SPIRE1: variants seen among roughly 807,000 people sequenced by gnomAD.
SPIRE1 encodes protein spire homolog 1.
A neutral mutation model predicts 94.1 loss-of-function variants in SPIRE1; 40 were observed. That is an observed-to-expected ratio of 0.43 (90% CI 0.33 to 0.55). The LOEUF (loss-of-function observed/expected upper bound fraction) is 0.55, where lower values mean the gene tolerates loss of function less well. Ranked by LOEUF, SPIRE1 falls within the 20% of genes least tolerant of loss-of-function variation. The pLI is 0.06. For synonymous variants in SPIRE1, 376 were observed against 371.7 expected, an observed-to-expected ratio of 1.01 and a Z score of -0.13; for missense variants, 838 against 975.2, an observed-to-expected ratio of 0.86 and a Z score of 1.87.
chr18:12,459,951 A>G, intron 12 of SPIRE1: 5 of 978,446 alleles, frequency 5.1e-6, no homozygotes, highest in Non-Finnish European at 6.1e-6. Flanking sequence ...TAAGGGAAAA[A>G]GAAAATGGCA....
At chr18:12,654,852 A>T (rs2038491128) in intron 1 of SPIRE1, among the ~76,000 whole-genome samples, 1 of 151,564 alleles carries the variant, frequency 6.6e-6, no homozygotes, top group Non-Finnish European at 1.5e-5. Context: ...ACATGGCGAA[A>T]CCCCATTTCT....
intron 10 of SPIRE1, among the ~76,000 whole-genome samples, chr18:12,478,623 G>A (rs946253661): frequency 7.3e-5 from 11 of 151,424 alleles, no homozygotes; most frequent in East Asian, 2.0e-4. Flanking sequence ...GTGTGTGCGC[G>A]CGCATGCGTA....
chr18:12,570,106 C>T (rs556100575), intron 2 of SPIRE1, among the ~76,000 whole-genome samples: 8 of 152,288 alleles, frequency 5.3e-5, no homozygotes, highest in Admixed American at 3.9e-4. Context: ...CAAGTCTTCC[C>T]ATCACCACGT....
At chr18:12,494,595 C>A (rs1487691361) in intron 7 of SPIRE1, among the ~76,000 whole-genome samples, 1 of 151,326 alleles carries the variant, frequency 6.6e-6, no homozygotes, top group Non-Finnish European at 1.5e-5. Flanking sequence ...TTTGGGAGGC[C>A]GAGGTGGGCG....
intron 2 of SPIRE1, among the ~76,000 whole-genome samples, chr18:12,554,029 G>A (rs370176482): frequency 2.8e-4 from 43 of 152,166 alleles, no homozygotes; most frequent in African/African-American, 1.0e-3. Flanking sequence ...AGCTGGGTGC[G>A]GTGGCTCATG....
At chr18:12,543,567 T>C (rs1469085369) in intron 3 of SPIRE1, among the ~76,000 whole-genome samples, 1 of 152,058 alleles carries the variant, frequency 6.6e-6, no homozygotes, top group African/African-American at 2.4e-5. Flanking sequence ...TACCTCACAG[T>C]GTTACCCTAA....
At chr18:12,581,306 A>T (rs2036250923) in intron 2 of SPIRE1, among the ~76,000 whole-genome samples, 1 of 152,210 alleles carries the variant, frequency 6.6e-6, no homozygotes, top group Admixed American at 6.5e-5. Context: ...TTACTATAGG[A>T]CTTTGAACTA....
intron 2 of SPIRE1, among the ~76,000 whole-genome samples, chr18:12,620,320 T>C (rs984544129): frequency 2.0e-5 from 3 of 152,200 alleles, no homozygotes; most frequent in African/African-American, 7.2e-5. Context: ...TGTCAGAAGT[T>C]GAGCTAATTC....
At chr18:12,619,425 G>A (rs1197316537) in intron 2 of SPIRE1, among the ~76,000 whole-genome samples, 1 of 151,534 alleles carries the variant, frequency 6.6e-6, no homozygotes, top group South Asian at 2.1e-4. Flanking sequence ...GGAGAATGGC[G>A]TGAACCTGGG....
intron 16 of SPIRE1, chr18:12,451,072 G>GA (rs372473615): frequency 0.081 from 21,592 of 266,186 alleles, 477 homozygotes; most frequent in African/African-American, 0.15. Context: ...CTGTCCATTT[G>GA]AAAAAAAAAA....
At chr18:12,622,665 G>T (rs998777593) in intron 2 of SPIRE1, among the ~76,000 whole-genome samples, 1 of 151,542 alleles carries the variant, frequency 6.6e-6, no homozygotes, top group Non-Finnish European at 1.5e-5. Flanking sequence ...CTCGTGATCC[G>T]CCCGCCTCAG....
intron 2 of SPIRE1, among the ~76,000 whole-genome samples, chr18:12,582,444 A>G (rs114070177): frequency 2.6e-5 from 4 of 152,320 alleles, no homozygotes; most frequent in African/African-American, 9.6e-5. Flanking sequence ...AAACTGTGGT[A>G]TGTTTCCCTA....
intron 2 of SPIRE1, among the ~76,000 whole-genome samples, chr18:12,569,323 A>G (rs962616868): frequency 6.9e-6 from 1 of 145,690 alleles, no homozygotes; most frequent in Non-Finnish European, 1.5e-5. Flanking sequence ...CCTGGGCGAC[A>G]GAGTGAGACT....
At chr18:12,546,539 T>C in intron 3 of SPIRE1, 135 bp downstream of exon 3, 1 of 694,438 alleles carries the variant, frequency 1.4e-6, no homozygotes, top group Non-Finnish European at 2.5e-6. Flanking sequence ...AGGCAGAGGC[T>C]ACAGTGAGCC....
intron 9 of SPIRE1, among the ~76,000 whole-genome samples, chr18:12,484,925 G>T (rs2032978396): frequency 6.6e-6 from 1 of 151,720 alleles, no homozygotes; most frequent in Non-Finnish European, 1.5e-5. Flanking sequence ...ATAAATAAAA[G>T]AAAATTCACT....
rs79431300 is a variant in SPIRE1 at position 12,640,825 on chromosome 18, G to A, written c.338-5729C>T. 7.7e-3 allele frequency among the ~76,000 whole-genome samples: 1,165 copies of A among 152,274 alleles called. 21 individuals are homozygous for A. Among genetic ancestry groups the A allele is most frequent in the African/African-American group, 0.026 (1,073 of 41,566 alleles). ...AGACAGGCAGGGGGCAGATCACACAGGCTTGTAAGGATAGTATGATGAGTT... is the reference window on the plus strand; with the variant it reads ...AGACAGGCAGGGGGCAGATCACACAAGCTTGTAAGGATAGTATGATGAGTT... On this transcript the variant is annotated intron_variant, in intron 1 of 16. Transcript: ENST00000409402.
chr18:12,598,039 T>A (rs1225147618), intron 2 of SPIRE1, among the ~76,000 whole-genome samples: 1 of 152,188 alleles, frequency 6.6e-6, no homozygotes, highest in Non-Finnish European at 1.5e-5. Flanking sequence ...AGAGACTAGC[T>A]TGAGTCACTA....
chr18:12,528,775 G>A (rs1477964362), intron 4 of SPIRE1, among the ~76,000 whole-genome samples: 1 of 152,180 alleles, frequency 6.6e-6, no homozygotes, highest in Non-Finnish European at 1.5e-5. Flanking sequence ...GAGAACACGA[G>A]GGAGGCTCTG....
intron 8 of SPIRE1, among the ~76,000 whole-genome samples, chr18:12,488,410 T>C (rs2033114023): frequency 6.6e-6 from 1 of 152,158 alleles, no homozygotes; most frequent in Non-Finnish European, 1.5e-5. Flanking sequence ...ACGGACACAC[T>C]GCAGAGCAGC....
Sources: allele counts gnomAD v4.1 joint callset (sites outside exome capture counted in the v4.1 genomes callset), GRCh38; gene constraint gnomAD v4.1.1; transcripts MANE v1.5; gene names NCBI Gene and HGNC (gene_info 2026-07-23, HGNC 2026-07-21).